The following ZBTB46 variants were observed in gnomAD, a reference collection of about 807,000 sequenced individuals.
The protein encoded by ZBTB46 is zinc finger and BTB domain-containing protein 46.
Under a neutral mutation model 44.1 loss-of-function variants are expected in ZBTB46, and 8 were observed. That is an observed-to-expected ratio of 0.18 (90% CI 0.11 to 0.33). ZBTB46 has a LOEUF of 0.33. Among genes scored for constraint, ZBTB46 ranks in the 10% least tolerant of loss-of-function variants. The pLI is 1.00. For missense variants in ZBTB46, 651 were observed against 847.7 expected, an observed-to-expected ratio of 0.77 and a Z score of 2.88; for synonymous variants, 409 against 382.3, an observed-to-expected ratio of 1.07 and a Z score of -0.81.
chr20:63,825,976 C>T (rs1210119300), intron 1 of ZBTB46, among the ~76,000 whole-genome samples: 3 of 152,220 alleles, frequency 2.0e-5, no homozygotes, highest in African/African-American at 7.2e-5. Context: ...GGTGTGTCCA[C>T]CTCTCACAAA....
chr20:63,772,886 C>G lies in ZBTB46; in HGVS notation c.1222+2792G>C, dbSNP rs183297944. Among the ~76,000 whole-genome samples, 3 of 152,296 alleles carry G rather than the reference C, an allele frequency of 2.0e-5. No individual in the cohort carries two copies. In the East Asian group the frequency reaches 5.8e-4, roughly 29 times the overall value. ...GGAAAAAGCCAGAACCACTCAAGGTCCCAGCCTCAGGCTCCGCGGCCACTC... is the reference window on the plus strand; with the variant it reads ...GGAAAAAGCCAGAACCACTCAAGGTGCCAGCCTCAGGCTCCGCGGCCACTC... On this transcript the variant is annotated intron_variant, in intron 3 of 4. Transcript: ENST00000245663.
chr20:63,797,832 C>G (rs2092615042), intron 1 of ZBTB46, among the ~76,000 whole-genome samples: 1 of 152,114 alleles, frequency 6.6e-6, no homozygotes, highest in Non-Finnish European at 1.5e-5. Flanking sequence ...TATCCTTTGC[C>G]CACTTTTTGA....
At chr20:63,754,702 T>C (rs993133183) in intron 3 of ZBTB46, among the ~76,000 whole-genome samples, 17 of 151,938 alleles carry the variant, frequency 1.1e-4, no homozygotes, top group African/African-American at 3.9e-4. Context: ...CGGGTTCACA[T>C]CATTCTCCTG....
chr20:63,831,746 T>C (rs1340902647), upstream of ZBTB46, among the ~76,000 whole-genome samples: 7 of 150,666 alleles, frequency 4.6e-5, no homozygotes, highest in Non-Finnish European at 8.9e-5. Context: ...ACGCGCAGGT[T>C]CCTCGGGGGC....
intron 3 of ZBTB46, among the ~76,000 whole-genome samples, chr20:63,757,192 C>G (rs1481174131): frequency 6.6e-6 from 1 of 152,184 alleles, no homozygotes; most frequent in Non-Finnish European, 1.5e-5. Context: ...GGTGCGATCT[C>G]AACTCACTGC....
chr20:63,786,823 G>A (rs896555564), intron 2 of ZBTB46, among the ~76,000 whole-genome samples: 2 of 151,990 alleles, frequency 1.3e-5, no homozygotes, highest in African/African-American at 4.8e-5. Context: ...GATAACTTTT[G>A]TATTAGAAAT....
intron 4 of ZBTB46, among the ~76,000 whole-genome samples, chr20:63,748,123 C>T (rs2092122720): frequency 6.6e-6 from 1 of 152,240 alleles, no homozygotes; most frequent in Non-Finnish European, 1.5e-5. Flanking sequence ...GTAAAGGAGG[C>T]AACTCCCCCA....
intron 1 of ZBTB46, among the ~76,000 whole-genome samples, chr20:63,801,590 T>A: frequency 6.6e-6 from 1 of 152,144 alleles, no homozygotes; most frequent in East Asian, 1.9e-4. Flanking sequence ...TGCTCACTCT[T>A]TGGGTCCACA....
At chr20:63,771,332 A>G (rs2092369732) in intron 3 of ZBTB46, among the ~76,000 whole-genome samples, 1 of 150,866 alleles carries the variant, frequency 6.6e-6, no homozygotes, top group Admixed American at 6.6e-5. Context: ...CCCCACAGTC[A>G]CCCCCACATT....
intron 1 of ZBTB46, among the ~76,000 whole-genome samples, chr20:63,809,024 A>AAAACTCCAT (rs1331149055): frequency 6.6e-6 from 1 of 150,960 alleles, no homozygotes; most frequent in Non-Finnish European, 1.5e-5. Context: ...AAAAAGAAAG[A>AAAACTCCAT]AAACTCCATG....
intron 1 of ZBTB46, among the ~76,000 whole-genome samples, chr20:63,807,157 G>T (rs973482759): frequency 2.6e-5 from 4 of 152,248 alleles, no homozygotes; most frequent in East Asian, 1.9e-4. Flanking sequence ...TACATATATA[G>T]AGAGAGACAG....
intron 3 of ZBTB46, among the ~76,000 whole-genome samples, chr20:63,764,137 TAAA>T (rs1201736483): frequency 1.3e-5 from 2 of 148,638 alleles, no homozygotes; most frequent in Admixed American, 6.7e-5. Context: ...CCCAGCTAAT[TAAA>T]AAAAAAAATT....
intron 1 of ZBTB46, among the ~76,000 whole-genome samples, chr20:63,816,127 C>T (rs1407400170): frequency 7.2e-6 from 1 of 138,944 alleles, no homozygotes; most frequent in South Asian, 2.4e-4. Context: ...CGCAGGTGGG[C>T]GCAGGTGCAG....
At position 63,767,411 on chromosome 20, in the gene ZBTB46, G is replaced by A. The variant is rs752070423; in HGVS notation, c.1222+8267C>T. Among the ~76,000 whole-genome samples the A allele has an allele frequency of 4.6e-5, 7 of 152,108 alleles. No individual in the cohort carries two copies. Among genetic ancestry groups the A allele is most frequent in the African/African-American group, 1.2e-4 (5 of 41,400 alleles). On this transcript the variant is annotated intron_variant, in intron 3 of 4. Coordinates refer to ENST00000245663, the MANE Select transcript of ZBTB46 (RefSeq NM_001369741.1). The surrounding 1 kb of genome is among the most constrained non-coding windows in gnomAD (Gnocchi z 5.0). ...GAGATGCCTTCACCTGGCAGCAGCC[G>A]GCAGAGGACTCGAGAAATGACCACA...
Position 63,795,172 on chromosome 20 carries a change from C to T in ZBTB46, c.-33-4382G>A, listed in dbSNP as rs559687035. On this transcript the variant is annotated intron_variant, in intron 1 of 4. Coordinates refer to ENST00000245663, the MANE Select transcript of ZBTB46 (RefSeq NM_001369741.1). Reference sequence around the variant, plus strand: ...CTGAGGCTTCTTGGTATCTGCTTTACTTATATATCACGAATCTCAAGATCC... The same window carrying T: ...CTGAGGCTTCTTGGTATCTGCTTTATTTATATATCACGAATCTCAAGATCC... Among the ~76,000 whole-genome samples the T allele has an allele frequency of 6.4e-4, 98 of 152,356 alleles. No homozygotes were observed. In the Middle Eastern group the frequency reaches 0.01, roughly 16 times the overall value.
chr20:63,807,155 T>G (rs148764277), intron 1 of ZBTB46, among the ~76,000 whole-genome samples: 61 of 152,292 alleles, frequency 4.0e-4, no homozygotes, highest in African/African-American at 1.3e-3. Context: ...TATACATATA[T>G]AGAGAGAGAC....
At chr20:63,794,805 G>A (rs184464393) in intron 1 of ZBTB46, among the ~76,000 whole-genome samples, 2 of 133,988 alleles carry the variant, frequency 1.5e-5, no homozygotes, top group African/African-American at 2.6e-5. Flanking sequence ...AAGATCTAAC[G>A]GACACACCCC....
At chr20:63,829,687 T>G (rs2092837670) in intron 1 of ZBTB46, among the ~76,000 whole-genome samples, 1 of 152,232 alleles carries the variant, frequency 6.6e-6, no homozygotes, top group Non-Finnish European at 1.5e-5. Flanking sequence ...AAGGTTCTAC[T>G]CTGATAAATA....
intron 1 of ZBTB46, among the ~76,000 whole-genome samples, chr20:63,817,715 C>CAAAAAAA (rs3068855): frequency 1.3e-5 from 1 of 78,796 alleles, no homozygotes; most frequent in African/African-American, 4.4e-5. Flanking sequence ...GACTCTGTCT[C>CAAAAAAA]AAAAAAAAAA....
Sources: allele counts gnomAD v4.1 joint callset (sites outside exome capture counted in the v4.1 genomes callset), GRCh38; gene constraint gnomAD v4.1.1; non-coding constraint Gnocchi (gnomAD v3.1); transcripts MANE v1.5; gene names NCBI Gene and HGNC (gene_info 2026-07-23, HGNC 2026-07-21).